The following ATR variants were observed in gnomAD, a reference collection of about 807,000 sequenced individuals.
ATR encodes the protein serine/threonine-protein kinase ATR.
In ATR, 142 loss-of-function variants were observed where a neutral mutation model predicts 305.3. The observed-to-expected ratio is 0.47, with a 90% CI of 0.41 to 0.53. The LOEUF (loss-of-function observed/expected upper bound fraction) is 0.53, where lower values mean the gene tolerates loss of function less well. Among genes scored for constraint, ATR ranks in the 20% least tolerant of loss-of-function variants. The pLI is 0.00. For synonymous variants in ATR, 1,050 were observed against 1,068.1 expected (o/e 0.98, Z 0.33); for missense variants, 2,135 against 3,133.1 (o/e 0.68, Z 7.60).
chr3:142,484,349 C>T (rs2030763791), intron 36 of ATR, among the ~76,000 whole-genome samples: 1 of 152,098 alleles, frequency 6.6e-6, no homozygotes, highest in African/African-American at 2.4e-5. Flanking sequence ...ATAAAGACTC[C>T]ATTAAAAACC....
rs775729928 is a variant in ATR at position 142,535,567 on chromosome 3, C to T, written c.3820-362G>A. The stretch of plus-strand genomic sequence containing the variant: ...ATAGGTAATTCAATTCCTTTCACTA[C>T]CCAAGGTGACACCTAAGGTCAGGTG... On this transcript the variant is annotated intron_variant, in intron 20 of 46. Transcript: ENST00000350721. Among the ~76,000 whole-genome samples the T allele has an allele frequency of 1.1e-4, 17 of 152,272 alleles. 1 individual carries two copies. In the Middle Eastern group the frequency reaches 0.014, roughly 122 times the overall value.
chr3:142,500,278 A>G (rs1320148245), intron 30 of ATR, among the ~76,000 whole-genome samples: 1 of 152,212 alleles, frequency 6.6e-6, no homozygotes, highest in African/African-American at 2.4e-5. Context: ...CGTAAAATAT[A>G]TACCTATTTT....
chr3:142,488,452 T>C (rs1258629714), intron 35 of ATR, among the ~76,000 whole-genome samples: 1 of 152,226 alleles, frequency 6.6e-6, no homozygotes, highest in African/African-American at 2.4e-5. Context: ...GTAAAGAGCA[T>C]CTCAGATAGA....
Position 142,577,754 on chromosome 3 carries a change from G to A in ATR, c.59+892C>T, listed in dbSNP as rs536414189. On this transcript the variant is annotated intron_variant, in intron 1 of 46. Transcript: ENST00000350721. ...TATTCCAAATGATAATTTAACTGCGGTAGCAGCACAAGCTTATTTATTTCT... is the reference window on the plus strand; with the variant it reads ...TATTCCAAATGATAATTTAACTGCGATAGCAGCACAAGCTTATTTATTTCT... Among the ~76,000 whole-genome samples the A allele has an allele frequency of 3.3e-5, 5 of 152,336 alleles. No individual in the cohort carries two copies. In the South Asian group the frequency reaches 8.3e-4, roughly 25 times the overall value.
intron 36 of ATR, among the ~76,000 whole-genome samples, chr3:142,478,674 A>C (rs912821173): frequency 1.3e-5 from 2 of 152,110 alleles, no homozygotes; most frequent in African/African-American, 4.8e-5. Context: ...TGATCTGTCT[A>C]ATGTTGACAG....
intron 10 of ATR, among the ~76,000 whole-genome samples, chr3:142,555,130 G>A (rs2034617174): frequency 2.7e-5 from 4 of 149,326 alleles, no homozygotes; most frequent in Non-Finnish European, 4.5e-5. Flanking sequence ...CAGCTACTCC[G>A]GAGGCTGGGG....
chr3:142,465,360 T>C (rs931731449), intron 40 of ATR, 120 bp from the exon 41 acceptor site: 1 of 718,314 alleles, frequency 1.4e-6, no homozygotes, highest in Non-Finnish European at 2.2e-6. Flanking sequence ...TATTATGTAG[T>C]GAATTTGTAT....
In ATR at chr3:142,496,519, G is replaced by C. The variant is rs368559821; in HGVS notation, c.5740C>G (p.Pro1914Ala). 16 of 1,608,284 alleles carry C rather than the reference G, an allele frequency of 9.9e-6. No homozygotes were observed. The highest frequency in any genetic ancestry group is 1.3e-5 in the Non-Finnish European group (15 of 1,177,144). The change falls in exon 34 of 47, where the codon CCA (proline) becomes GCA (alanine). Residue 1914 changes from proline to alanine, a missense_variant and splice_region_variant. Pro to Ala is a conservative substitution (Grantham distance 27, BLOSUM62 -1). Coordinates refer to ENST00000350721, the MANE Select transcript of ATR (RefSeq NM_001184.4). The part of the protein sequence containing the change: ...RRALLSLNKR[P>A]DYNEMVGECW... The stretch of plus-strand genomic sequence containing the variant: ...TCTCCAACCATTTCATTGTAATCTG[G>C]TCTAAAGGAAGTAACAACACATTGG...
At chr3:142,562,083 G>T (rs201183289) in intron 4 of ATR, 149 bp downstream of exon 4, 3 of 932,836 alleles carry the variant, frequency 3.2e-6, no homozygotes, top group Non-Finnish European at 4.7e-6. Flanking sequence ...ATAATAGTGA[G>T]CCAGACTACA....
chr3:142,509,737 T>C (rs1192810193), intron 27 of ATR, among the ~76,000 whole-genome samples: 1 of 151,796 alleles, frequency 6.6e-6, no homozygotes, highest in Non-Finnish European at 1.5e-5. Context: ...TTTGTATTTT[T>C]TGTAGAGATG....
rs200947706 is a variant in ATR, at chr3:142,562,275, C to T, written c.1127G>A (p.Cys376Tyr). 61 of 1,614,064 alleles carry T rather than the reference C, an allele frequency of 3.8e-5. No homozygotes were observed. Among genetic ancestry groups the T allele is most frequent in the African/African-American group, 5.3e-5 (4 of 75,026 alleles). ...QVRKVYVRNI[C>Y]KALLDVLGIE... ...TCCAAGCACATCCAAAAGAGCTTTACAAATATTTCTCACATAGACCTTCCT... is the reference window on the plus strand; with the variant it reads ...TCCAAGCACATCCAAAAGAGCTTTATAAATATTTCTCACATAGACCTTCCT... Residue 376 changes from cysteine (C) to tyrosine (Y), a missense_variant, in exon 4 of 47, where the codon TGT (cysteine) becomes TAT (tyrosine). Physicochemically the swap from Cys to Tyr is radical, Grantham distance 194 (BLOSUM62 -2). Transcript: ENST00000350721.
At chr3:142,495,698 C>T (rs1366662966) in intron 34 of ATR, among the ~76,000 whole-genome samples, 1 of 151,912 alleles carries the variant, frequency 6.6e-6, no homozygotes, top group African/African-American at 2.4e-5. Context: ...GAGCGGAGAT[C>T]GTGCCACTGC....
intron 36 of ATR, among the ~76,000 whole-genome samples, chr3:142,476,167 C>T (rs1419312368): frequency 6.6e-6 from 1 of 152,168 alleles, no homozygotes; most frequent in Non-Finnish European, 1.5e-5. Context: ...GAAGTCCTTG[C>T]CCATGCCTAT....
chr3:142,549,751 A>C, intron 14 of ATR, 78 bp from the exon 15 acceptor site: 4 of 1,315,190 alleles, frequency 3.0e-6, no homozygotes, highest in Admixed American at 3.9e-5. Flanking sequence ...ATGTGCAAAA[A>C]TATTTTTAAA....
chr3:142,513,324 T>A (rs1015958514), intron 26 of ATR, among the ~76,000 whole-genome samples, 177 bp downstream of exon 26: 22 of 152,304 alleles, frequency 1.4e-4, no homozygotes, highest in African/African-American at 5.3e-4. Flanking sequence ...AGAATATACA[T>A]AGAACGTCTA....
At chr3:142,454,901 A>G (rs957564485) in intron 45 of ATR, among the ~76,000 whole-genome samples, 2 of 152,200 alleles carry the variant, frequency 1.3e-5, no homozygotes, top group African/African-American at 4.8e-5. Context: ...TAGCATGTCT[A>G]TTCGACACTG....
intron 35 of ATR, among the ~76,000 whole-genome samples, chr3:142,485,972 C>T (rs1337276526): frequency 6.6e-6 from 1 of 152,108 alleles, no homozygotes; most frequent in Non-Finnish European, 1.5e-5. Context: ...TTCTGTTGTC[C>T]AAGTCACTTA....
intron 1 of ATR, among the ~76,000 whole-genome samples, chr3:142,571,076 C>T (rs375574752): frequency 2.6e-5 from 4 of 152,062 alleles, no homozygotes; most frequent in South Asian, 2.1e-4. Context: ...TGGGTACAGA[C>T]GCAAATAATT....
At chr3:142,522,313 T>C (rs534482189) in intron 23 of ATR, among the ~76,000 whole-genome samples, 5 of 152,338 alleles carry the variant, frequency 3.3e-5, no homozygotes, top group African/African-American at 9.6e-5. Flanking sequence ...GAAGAATTCA[T>C]GTAACTTGCT....
Sources: allele counts gnomAD v4.1 joint callset (sites outside exome capture counted in the v4.1 genomes callset), GRCh38; gene constraint gnomAD v4.1.1; transcripts MANE v1.5; gene names NCBI Gene and HGNC (gene_info 2026-07-23, HGNC 2026-07-21).